FDX1: variants seen among roughly 807,000 people sequenced by gnomAD.
FDX1 encodes the protein adrenodoxin, mitochondrial.
Under a neutral mutation model 14.9 loss-of-function variants are expected in FDX1, and 9 were observed. The ratio of observed to expected loss-of-function variants is 0.60; its 90% CI spans 0.36 to 1.05. The LOEUF (loss-of-function observed/expected upper bound fraction) is 1.05. Among genes scored for constraint, FDX1 ranks in the 50% least tolerant of loss-of-function variants. FDX1 has a pLI of 0.01. For missense variants in FDX1, 204 were observed against 237.2 expected (o/e 0.86, Z 0.92); for synonymous variants, 92 against 99.4 (o/e 0.93, Z 0.44).
chr11:110,443,603 C>A (rs1188596650), intron 2 of FDX1, among the ~76,000 whole-genome samples: 3 of 151,884 alleles, frequency 2.0e-5, no homozygotes, highest in East Asian at 3.9e-4. Flanking sequence ...ACCACGCCCA[C>A]CTAATTTTTA....
rs190051119 is a variant in FDX1 at position 110,437,594 on chromosome 11, C to T, written c.310+1636C>T. Among the ~76,000 whole-genome samples, 15 of 152,170 alleles carry T rather than the reference C, an allele frequency of 9.9e-5. No individual in the cohort carries two copies. In the East Asian group the frequency reaches 1.2e-3, roughly 12 times the overall value. On this transcript the variant is annotated intron_variant, in intron 2 of 3. Transcript: ENST00000260270. ...AACATTTTTCCGTATGTTTGTTGGCCGCTTTTATGTCTGTGTCTTCTTTTG... is the reference window on the plus strand; with the variant it reads ...AACATTTTTCCGTATGTTTGTTGGCTGCTTTTATGTCTGTGTCTTCTTTTG...
At chr11:110,435,207 C>T (rs927171405) in intron 1 of FDX1, among the ~76,000 whole-genome samples, 5 of 152,104 alleles carry the variant, frequency 3.3e-5, no homozygotes, top group African/African-American at 2.4e-5. Context: ...CACATCACCA[C>T]ACCTGGCTAA....
chr11:110,435,560 A>G (rs1346308299), intron 1 of FDX1, among the ~76,000 whole-genome samples: 1 of 152,164 alleles, frequency 6.6e-6, no homozygotes, highest in East Asian at 1.9e-4. Context: ...AAAAGAAAAT[A>G]CCTTCGGCTA....
At chr11:110,456,806 G>T (rs1946525363) in intron 2 of FDX1, 112 bp from the exon 3 acceptor site, 1 of 1,178,344 alleles carries the variant, frequency 8.5e-7, no homozygotes, top group Non-Finnish European at 1.2e-6. Context: ...ACTGTGCCCG[G>T]CCTCACTTAT....
At chr11:110,441,689 A>C (rs1946405121) in intron 2 of FDX1, among the ~76,000 whole-genome samples, 2 of 152,216 alleles carry the variant, frequency 1.3e-5, no homozygotes, top group Admixed American at 1.3e-4. Context: ...ACAGCATAAA[A>C]AAGTTTGGAA....
intron 2 of FDX1, among the ~76,000 whole-genome samples, chr11:110,444,705 CGTATATATATATAT>C (rs1946434066): frequency 8.2e-5 from 3 of 36,674 alleles, no homozygotes; most frequent in Non-Finnish European, 1.1e-4. Context: ...TATATATATA[CGTATATATATATAT>C]ATACGTATAT....
chr11:110,442,945 G>C (rs545515768), intron 2 of FDX1, among the ~76,000 whole-genome samples: 1 of 152,244 alleles, frequency 6.6e-6, no homozygotes, highest in East Asian at 1.9e-4. Flanking sequence ...CAGTGAATAA[G>C]ACTCACAATA....
intron 1 of FDX1, among the ~76,000 whole-genome samples, chr11:110,431,042 C>T (rs555601241): frequency 6.6e-6 from 1 of 152,166 alleles, no homozygotes; most frequent in Non-Finnish European, 1.5e-5. Context: ...TGAGTTAATA[C>T]AGCGATACAG....
rs992161168 is a variant in FDX1 at position 110,462,549 on chromosome 11, T to C, written c.*81T>C. ...TTCTTAAAGTGATTAAATGAGAACA[T>C]GGATGAGTGGACTTCATATTATGAC... On this transcript the variant is annotated 3_prime_UTR_variant, in exon 4 of 4. Transcript: ENST00000260270. The C allele has an allele frequency of 3.0e-6, 2 of 664,864 alleles. No homozygotes were observed. Among genetic ancestry groups the C allele is most frequent in the Admixed American group, 5.1e-5 (2 of 39,164 alleles). The allele number at this position is 664,864 out of a possible 1,614,324, so 41.2% of individuals were successfully genotyped here.
intron 2 of FDX1, among the ~76,000 whole-genome samples, chr11:110,452,538 T>A (rs1320734368): frequency 6.6e-6 from 1 of 152,058 alleles, no homozygotes; most frequent in African/African-American, 2.4e-5. Flanking sequence ...TTGTGTTGTT[T>A]AGAGTTTCTC....
chr11:110,429,997 GCC>G lies in FDX1; in HGVS notation c.-121_-120del, dbSNP rs1445009688. 1.6e-6 allele frequency: 1 copy of G among 610,120 alleles called. No homozygotes were observed. Among genetic ancestry groups the G allele is most frequent in the East Asian group, 4.1e-5 (1 of 24,470 alleles). The allele number at this position is 610,120 out of a possible 1,614,324, so 37.8% of individuals were successfully genotyped here. A position where few individuals can be genotyped will look rare whatever the true frequency, so the allele number is the denominator to read the frequency against. ...CCAGCAGGGTCTCTCCGCCACTCCAGCCCCGCGCCCCTCGCCGCGGCCCTCGG... is the reference window on the plus strand; with the variant it reads ...CCAGCAGGGTCTCTCCGCCACTCCAGCCGCGCCCCTCGCCGCGGCCCTCGG... On this transcript the variant is annotated 5_prime_UTR_variant, in exon 1 of 4. Transcript: ENST00000260270.
At chr11:110,462,305 G>T in intron 3 of FDX1, 49 bp from the exon 4 acceptor site, 4 of 1,000,358 alleles carry the variant, frequency 4.0e-6, no homozygotes, top group Non-Finnish European at 4.6e-6. Context: ...ATTGCCTTGT[G>T]AATATATATA....
At chr11:110,457,971 A>G (rs1946533013) in intron 3 of FDX1, among the ~76,000 whole-genome samples, 1 of 152,156 alleles carries the variant, frequency 6.6e-6, no homozygotes. Flanking sequence ...ATCTCTTTGG[A>G]CACCAAAGCA....
chr11:110,437,398 T>G (rs2134569213), intron 2 of FDX1, among the ~76,000 whole-genome samples: 1 of 152,358 alleles, frequency 6.6e-6, no homozygotes, highest in East Asian at 1.9e-4. Context: ...AGTAGATTTT[T>G]TTTTTAACTC....
At chr11:110,457,441 A>G (rs971643454) in intron 3 of FDX1, among the ~76,000 whole-genome samples, 1 of 152,166 alleles carries the variant, frequency 6.6e-6, no homozygotes, top group African/African-American at 2.4e-5. Context: ...GAAACTTAAT[A>G]TATAATAGTA....
chr11:110,446,403 C>T (rs1946450295), intron 2 of FDX1, among the ~76,000 whole-genome samples: 1 of 152,200 alleles, frequency 6.6e-6, no homozygotes, highest in Non-Finnish European at 1.5e-5. Flanking sequence ...TGGGTGATCT[C>T]ATCCGTTCTG....
intron 2 of FDX1, 145 bp downstream of exon 2, chr11:110,436,103 T>C: frequency 1.4e-6 from 1 of 696,930 alleles, no homozygotes; most frequent in Non-Finnish European, 2.4e-6. Context: ...GTTATATTCT[T>C]GTTTATAAAG....
rs1274876339 is a variant in FDX1 at position 110,463,951 on chromosome 11, C to G, written c.*1483C>G. 1.4e-5 allele frequency: 2 copies of G among 142,584 alleles called. No individual in the cohort carries two copies. Among genetic ancestry groups the G allele is most frequent in the Non-Finnish European group, 3.0e-5 (2 of 66,652 alleles). 8.8% of individuals were successfully genotyped at this position (142,584 alleles called of 1,614,324 possible). ...AGCGGGGGACAGGGTCTTACTCTGT[C>G]ACTCAGGCCAGAGTACAATAGTATG... On this transcript the variant is annotated 3_prime_UTR_variant, in exon 4 of 4. Coordinates refer to ENST00000260270, the MANE Select transcript of FDX1 (RefSeq NM_004109.5).
At position 110,437,763 on chromosome 11, in the gene FDX1, A is replaced by G. The variant is rs144744039; in HGVS notation, c.310+1805A>G. On this transcript the variant is annotated intron_variant, in intron 2 of 3. Transcript: ENST00000260270. The stretch of plus-strand genomic sequence containing the variant: ...TGTCACCTAGGCAGTAGGCTTAGAA[A>G]CCAATAGGTAGTTTTCCTCCTTGCC... 4.6e-5 allele frequency among the ~76,000 whole-genome samples: 7 copies of G among 152,258 alleles called. No individual in the cohort carries two copies. The East Asian group carries it at 1.3e-3, about 29-fold the overall frequency.
Sources: allele counts gnomAD v4.1 joint callset (sites outside exome capture counted in the v4.1 genomes callset), GRCh38; gene constraint gnomAD v4.1.1; transcripts MANE v1.5; gene names NCBI Gene and HGNC (gene_info 2026-07-23, HGNC 2026-07-21).